CNNM1: variants seen among roughly 807,000 people sequenced by gnomAD.
CNNM1 encodes metal transporter CNNM1.
Under a neutral mutation model 78.8 loss-of-function variants are expected in CNNM1, and 44 were observed. The ratio of observed to expected loss-of-function variants is 0.56; its 90% CI spans 0.44 to 0.72. The LOEUF (loss-of-function observed/expected upper bound fraction) is 0.72, where lower values mean the gene tolerates loss of function less well. Among genes scored for constraint, CNNM1 ranks in the 30% least tolerant of loss-of-function variants. The pLI, the probability that CNNM1 is intolerant of heterozygous loss-of-function variation, is 0.00. For synonymous variants in CNNM1, 584 were observed against 581.5 expected (o/e 1.00, Z -0.06); for missense variants, 1,101 against 1,292.2 (o/e 0.85, Z 2.27).
At chr10:99,356,474 CAGAA>C (rs1203250516) in intron 1 of CNNM1, among the ~76,000 whole-genome samples, 2 of 89,150 alleles carry the variant, frequency 2.2e-5, no homozygotes, top group Non-Finnish European at 4.4e-5. Context: ...GACTCCATCT[CAGAA>C]AGAAAGAAAG....
chr10:99,341,008 C>A (rs1476547843), intron 1 of CNNM1, among the ~76,000 whole-genome samples: 2 of 151,808 alleles, frequency 1.3e-5, no homozygotes, highest in African/African-American at 4.8e-5. Context: ...GGCTTGCAGT[C>A]GAGTAGGCGA....
chr10:99,342,391 C>T (rs1272186671), intron 1 of CNNM1, among the ~76,000 whole-genome samples: 3 of 152,150 alleles, frequency 2.0e-5, no homozygotes, highest in Non-Finnish European at 4.4e-5. Flanking sequence ...TTTTTTCATG[C>T]CCTAGTGATG....
chr10:99,345,926 C>G (rs1160134861), intron 1 of CNNM1, among the ~76,000 whole-genome samples: 1 of 151,996 alleles, frequency 6.6e-6, no homozygotes, highest in South Asian at 2.1e-4. Context: ...AACTCATGGC[C>G]TCAAGCGATC....
At chr10:99,338,521 C>T (rs186804214) in intron 1 of CNNM1, among the ~76,000 whole-genome samples, 209 of 152,142 alleles carry the variant, frequency 1.4e-3, no homozygotes, top group African/African-American at 4.3e-3. Flanking sequence ...TCAGGCAATC[C>T]GCCAACCTCG....
chr10:99,345,776 G>A (rs2030663910), intron 1 of CNNM1, among the ~76,000 whole-genome samples: 1 of 152,164 alleles, frequency 6.6e-6, no homozygotes, highest in South Asian at 2.1e-4. Flanking sequence ...ATCCTAACCA[G>A]GGCTCAATTT....
intron 6 of CNNM1, among the ~76,000 whole-genome samples, chr10:99,376,576 G>A (rs1271881602): frequency 1.3e-5 from 2 of 152,248 alleles, no homozygotes; most frequent in South Asian, 2.1e-4. Context: ...CTAAAATAAG[G>A]TTTGTGATTG....
intron 2 of CNNM1, among the ~76,000 whole-genome samples, chr10:99,360,321 G>A (rs919461214): frequency 3.9e-5 from 6 of 152,180 alleles, no homozygotes; most frequent in African/African-American, 1.4e-4. Flanking sequence ...GGCCAGTTCA[G>A]GGCAAAGGAG....
chr10:99,340,695 TTTTC>T (rs1014473520), intron 1 of CNNM1, among the ~76,000 whole-genome samples: 5 of 152,200 alleles, frequency 3.3e-5, no homozygotes, highest in African/African-American at 1.2e-4. Flanking sequence ...TCCTCAATTC[TTTTC>T]TTTCTTTCTC....
rs146303565 is a variant in CNNM1, at chr10:99,359,484, C to T, written c.1718-1351C>T. Reference sequence around the variant, plus strand: ...CTTCTTGCATGACCCTGACCTCTTACGTGATCTGGACACCTGGGTCTGGGT... The same window carrying T: ...CTTCTTGCATGACCCTGACCTCTTATGTGATCTGGACACCTGGGTCTGGGT... On this transcript the variant is annotated intron_variant, in intron 2 of 10. Transcript: ENST00000356713. Among the ~76,000 whole-genome samples, 361 of 152,284 alleles carry T rather than the reference C, an allele frequency of 2.4e-3. 2 individuals are homozygous for T. Among genetic ancestry groups the T allele is most frequent in the Non-Finnish European group, 4.4e-3 (299 of 68,026 alleles).
At chr10:99,340,855 T>C (rs959447236) in intron 1 of CNNM1, among the ~76,000 whole-genome samples, 1 of 150,554 alleles carries the variant, frequency 6.6e-6, no homozygotes, top group Non-Finnish European at 1.5e-5. Flanking sequence ...CTTTCTCTCC[T>C]TCCCCGCTTC....
At chr10:99,377,922 C>CTTTAACAT (rs1187896017) in intron 7 of CNNM1, among the ~76,000 whole-genome samples, 1 of 150,572 alleles carries the variant, frequency 6.6e-6, no homozygotes, top group African/African-American at 2.4e-5. Flanking sequence ...GCACAGGAGC[C>CTTTAACAT]TTTAACATTT....
Position 99,388,166 on chromosome 10 carries a change from G to C in CNNM1, c.2539G>C (p.Gly847Arg). The part of the protein sequence containing the change: ...RNSLPCSRSD[G>R]LRSPSEVVYL... The stretch of plus-strand genomic sequence containing the variant: ...GTCCTCCCCAGGCAGCCGCTCAGAC[G>C]GGCTGAGAAGCCCCAGCGAGGTAGT... The change falls in exon 9 of 11, where the codon GGG (glycine) becomes CGG (arginine). Residue 847 changes from glycine to arginine, a missense_variant. Transcript: ENST00000356713. 1 of 1,613,880 alleles carries C rather than the reference G, an allele frequency of 6.2e-7. No individual in the cohort carries two copies. The highest frequency in any genetic ancestry group is 8.5e-7 in the Non-Finnish European group (1 of 1,179,888).
intron 7 of CNNM1, among the ~76,000 whole-genome samples, chr10:99,382,355 C>CT (rs2032187463): frequency 6.6e-6 from 1 of 152,204 alleles, no homozygotes; most frequent in Non-Finnish European, 1.5e-5. Context: ...GACTACTTGG[C>CT]AGATGTCTTA....
In CNNM1 at chr10:99,348,801, C is replaced by T. The variant is rs545536757; in HGVS notation, c.1574-8711C>T. Among the ~76,000 whole-genome samples, 55 of 152,300 alleles carry T rather than the reference C, an allele frequency of 3.6e-4. No individual in the cohort carries two copies. In the East Asian group the frequency reaches 9.8e-3, roughly 27 times the overall value. ...GTACAGTGGCTCACACCTGTAATCCCAGCACTTTGGGAGGCCAAAGTGGGC... is the reference window on the plus strand; with the variant it reads ...GTACAGTGGCTCACACCTGTAATCCTAGCACTTTGGGAGGCCAAAGTGGGC... On this transcript the variant is annotated intron_variant, in intron 1 of 10. Transcript: ENST00000356713.
chr10:99,394,240 G>T lies in CNNM1; in HGVS notation c.*2724G>T, dbSNP rs1295944872. 2.0e-5 allele frequency: 3 copies of T among 152,172 alleles called. No individual in the cohort carries two copies. The highest frequency in any genetic ancestry group is 2.0e-4 in the Admixed American group (3 of 15,256). The allele number at this position is 152,172 out of a possible 1,614,324, so 9.4% of individuals were successfully genotyped here. A position where few individuals can be genotyped will look rare whatever the true frequency, so the allele number is the denominator to read the frequency against. ...AGATTTTCTTCAGGTTAAAAAAAAAGTTTAAAAAAAAGATTTTAAAATAAA... is the reference window on the plus strand; with the variant it reads ...AGATTTTCTTCAGGTTAAAAAAAAATTTTAAAAAAAAGATTTTAAAATAAA... On this transcript the variant is annotated 3_prime_UTR_variant, in exon 11 of 11. Coordinates refer to ENST00000356713, the MANE Select transcript of CNNM1 (RefSeq NM_020348.3).
chr10:99,385,371 C>T (rs1339059585), intron 7 of CNNM1, among the ~76,000 whole-genome samples: 3 of 152,158 alleles, frequency 2.0e-5, no homozygotes, highest in Non-Finnish European at 4.4e-5. Context: ...CCTACTTTCC[C>T]TTTTGCTTTA....
chr10:99,359,232 A>G lies in CNNM1; in HGVS notation c.1717+1577A>G, dbSNP rs144273612. Among the ~76,000 whole-genome samples, 891 of 150,850 alleles carry G rather than the reference A, an allele frequency of 5.9e-3. 5 individuals are homozygous for G. Among genetic ancestry groups the G allele is most frequent in the South Asian group, 0.011 (52 of 4,668 alleles). On this transcript the variant is annotated intron_variant, in intron 2 of 10. Transcript: ENST00000356713. ...CCTAATAATGCCATGTTAAGTGGCA[A>G]TCTGATGGGGGAGAGGGGGGCTATT...
At chr10:99,368,032 C>T (rs935697389) in intron 6 of CNNM1, among the ~76,000 whole-genome samples, 5 of 152,238 alleles carry the variant, frequency 3.3e-5, no homozygotes, top group Non-Finnish European at 7.3e-5. Flanking sequence ...AGTTGATTCA[C>T]ATTAACACTG....
intron 9 of CNNM1, among the ~76,000 whole-genome samples, chr10:99,389,284 G>T (rs1251838674): frequency 6.6e-6 from 1 of 152,000 alleles, no homozygotes; most frequent in Non-Finnish European, 1.5e-5. Context: ...GGGTGTGGTG[G>T]TGGGTGCCTG....
Sources: gnomAD v4.1 joint callset for allele counts (sites outside exome capture counted in the v4.1 genomes callset) on GRCh38, gnomAD v4.1.1 for gene constraint, MANE v1.5 for transcripts, NCBI Gene and HGNC (gene_info 2026-07-23, HGNC 2026-07-21) for gene names.